The following NUFIP2 variants were observed in gnomAD, a reference collection of about 807,000 sequenced individuals.
NUFIP2 encodes FMR1-interacting protein NUFIP2.
Under a neutral mutation model 56.9 loss-of-function variants are expected in NUFIP2, and 6 were observed. The observed-to-expected ratio is 0.11, with a 90% CI of 0.06 to 0.21. The LOEUF is 0.21. NUFIP2 is among the 10% of genes least tolerant of loss of function. The probability of loss-of-function intolerance (pLI) is 1.00; values close to 1 mark genes in which losing one functional copy is unlikely to be tolerated. For missense variants in NUFIP2, 828 were observed against 826.8 expected (o/e 1.00, Z -0.02); for synonymous variants, 321 against 298.2 (o/e 1.08, Z -0.79).
At position 29,256,113 on chromosome 17, in the gene NUFIP2, A is replaced by G. The variant is rs1034732038; in HGVS notation, c.*8426T>C. The G allele has an allele frequency of 3.9e-5, 6 of 152,224 alleles. No individual in the cohort carries two copies. Among genetic ancestry groups the G allele is most frequent in the Admixed American group, 2.0e-4 (3 of 15,286 alleles). 9.4% of individuals were successfully genotyped at this position (152,224 alleles called of 1,614,324 possible). On this transcript the variant is annotated 3_prime_UTR_variant, in exon 4 of 4. Coordinates refer to ENST00000225388, the MANE Select transcript of NUFIP2 (RefSeq NM_020772.3). ...GGGAAAATTTCTGGTGACTGTTCTT[A>G]TATGTAGAAAAGACCTATATTTTTG...
chr17:29,271,458 AC>A (rs1309566886), intron 2 of NUFIP2, among the ~76,000 whole-genome samples: 3 of 150,686 alleles, frequency 2.0e-5, no homozygotes, highest in African/African-American at 4.9e-5. Context: ...AATCACTTGA[AC>A]CCCGTAGACG....
At chr17:29,284,720 A>AG (rs982106506) in intron 2 of NUFIP2, among the ~76,000 whole-genome samples, 5 of 150,460 alleles carry the variant, frequency 3.3e-5, no homozygotes, top group African/African-American at 9.7e-5. Context: ...AAAAAAAAAA[A>AG]AAAAAAAGAA....
In NUFIP2 at chr17:29,286,041, A is replaced by G; in HGVS notation, c.1953T>C (p.Asp651=). 1 of 1,614,126 alleles carries G rather than the reference A, an allele frequency of 6.2e-7. No individual in the cohort carries two copies. The highest frequency in any genetic ancestry group is 8.5e-7 in the Non-Finnish European group (1 of 1,179,966). The change falls in exon 2 of 4, where the codon GAT becomes GAC. Residue 651 remains aspartate, a synonymous_variant. Transcript: ENST00000225388. ...QRYQRGLERN[D]SWGSFDLRAA... is the part of the protein sequence containing the mutation. ...CCCTCAGGTCAAAAGAACCCCAGCT[A>G]TCATTCCTTTCTAGGCCTCTCTGGT...
intron 3 of NUFIP2, 95 bp from the exon 4 acceptor site, chr17:29,264,686 C>T: frequency 2.7e-6 from 2 of 743,782 alleles, no homozygotes; most frequent in Admixed American, 2.2e-5. Flanking sequence ...TTTAAACTGA[C>T]CAATTTTTTT....
chr17:29,293,787 TTTC>T lies in NUFIP2; in HGVS notation c.270_272del (p.Lys91del), dbSNP rs762472628. On this transcript the variant is annotated inframe_deletion, in exon 1 of 4. Transcript: ENST00000225388. ...CACCCGTCCTCCCTCCCAGACCTGT[TTTC>T]TTCTTCGGCGTTTCCTGGTGCTGCT... The T allele has an allele frequency of 5.7e-6, 9 of 1,575,022 alleles. No homozygotes were observed. Among genetic ancestry groups the T allele is most frequent in the East Asian group, 4.5e-5 (2 of 44,282 alleles).
chr17:29,272,238 T>C (rs1293065520), intron 2 of NUFIP2, among the ~76,000 whole-genome samples: 1 of 149,522 alleles, frequency 6.7e-6, no homozygotes, highest in South Asian at 2.1e-4. Flanking sequence ...ATGAAATGTG[T>C]TCTTTTTTTT....
intron 2 of NUFIP2, among the ~76,000 whole-genome samples, chr17:29,270,822 G>C (rs2069067690): frequency 6.6e-6 from 1 of 151,732 alleles, no homozygotes; most frequent in African/African-American, 2.4e-5. Context: ...AAATAAATAA[G>C]AAAAAAGAAA....
rs2068998507 is a variant in NUFIP2 at position 29,260,885 on chromosome 17, A to C, written c.*3654T>G. On this transcript the variant is annotated 3_prime_UTR_variant, in exon 4 of 4. Coordinates refer to ENST00000225388, the MANE Select transcript of NUFIP2 (RefSeq NM_020772.3). Reference sequence around the variant, plus strand: ...CTGGCCATTTATTTCAAAGAAAAAAAAATCTGTCATTAAATTCCTAGTTAT... The same window carrying C: ...CTGGCCATTTATTTCAAAGAAAAAACAATCTGTCATTAAATTCCTAGTTAT... 2 of 152,236 alleles carry C rather than the reference A, an allele frequency of 1.3e-5. No individual in the cohort carries two copies. The highest frequency in any genetic ancestry group is 6.5e-5 in the Admixed American group (1 of 15,280). The allele number at this position is 152,236 out of a possible 1,614,324, so 9.4% of individuals were successfully genotyped here.
At chr17:29,284,308 A>G (rs2069157603) in intron 2 of NUFIP2, among the ~76,000 whole-genome samples, 1 of 152,198 alleles carries the variant, frequency 6.6e-6, no homozygotes, top group Admixed American at 6.5e-5. Context: ...AAAGGATATA[A>G]ACATCATCGT....
rs186662549 is a variant in NUFIP2 at position 29,268,087 on chromosome 17, T to A, written c.2003-557A>T. Among the ~76,000 whole-genome samples, 177 of 152,102 alleles carry A rather than the reference T, an allele frequency of 1.2e-3. 2 individuals are homozygous for A. In the East Asian group the frequency reaches 0.028, roughly 24 times the overall value. ...CTAATTTTTGTATTTTTAGTAGAGA[T>A]GGGGTTTCACCATGTTGGCCAGGAT... is the stretch of plus-strand genomic sequence containing the variant. On this transcript the variant is annotated intron_variant, in intron 2 of 3. Transcript: ENST00000225388.
At chr17:29,285,073 C>CCGT in intron 2 of NUFIP2, among the ~76,000 whole-genome samples, 1 of 151,558 alleles carries the variant, frequency 6.6e-6, no homozygotes, top group Non-Finnish European at 1.5e-5. Flanking sequence ...GAAGCAGAGG[C>CCGT]GGGCGGATCA....
chr17:29,267,606 TA>T (rs1037583161), intron 2 of NUFIP2, 76 bp from the exon 3 acceptor site: 1 of 934,104 alleles, frequency 1.1e-6, no homozygotes. Context: ...ATTTTAAATC[TA>T]AAAATCCTAG....
intron 1 of NUFIP2, among the ~76,000 whole-genome samples, chr17:29,292,333 C>A (rs1274877678): frequency 6.6e-6 from 1 of 151,928 alleles, no homozygotes; most frequent in African/African-American, 2.4e-5. Context: ...TTTTAAAATC[C>A]CTCACCTCAA....
rs2069237059 is a variant in NUFIP2 at position 29,294,069 on chromosome 17, C to T, written c.-10G>A. 3.2e-6 allele frequency: 5 copies of T among 1,584,298 alleles called. No homozygotes were observed. The highest frequency in any genetic ancestry group is 1.7e-4 in the Middle Eastern group (1 of 5,768). On this transcript the variant is annotated 5_prime_UTR_variant, in exon 1 of 4. Transcript: ENST00000225388. ...CGGGCTTCTCCTCCATTGAAAGCGG[C>T]TGGGACTCCCTGGCTGAGGCTGCGG...
chr17:29,272,721 T>A (rs2069082587), intron 2 of NUFIP2, among the ~76,000 whole-genome samples: 1 of 152,228 alleles, frequency 6.6e-6, no homozygotes, highest in Non-Finnish European at 1.5e-5. Flanking sequence ...TTCCATTATA[T>A]TATTGGAAAA....
intron 1 of NUFIP2, among the ~76,000 whole-genome samples, chr17:29,292,612 C>G (rs1026154596): frequency 1.3e-5 from 2 of 150,378 alleles, no homozygotes; most frequent in African/African-American, 4.9e-5. Context: ...CGCCGCCCCC[C>G]CAGGCCTCCT....
intron 3 of NUFIP2, among the ~76,000 whole-genome samples, chr17:29,267,235 A>G (rs1418471276): frequency 6.6e-6 from 1 of 150,964 alleles, no homozygotes; most frequent in Non-Finnish European, 1.5e-5. Flanking sequence ...AATTTAAAAA[A>G]TAGAGACGGG....
At position 29,294,144 on chromosome 17, in the gene NUFIP2, T is replaced by A. The variant is rs916774084; in HGVS notation, c.-85A>T. On this transcript the variant is annotated 5_prime_UTR_variant, in exon 1 of 4. Coordinates refer to ENST00000225388, the MANE Select transcript of NUFIP2 (RefSeq NM_020772.3). ...ACTGCTTCTCAGGGCTCACTCAGTA[T>A]ATCTGAGCGCGTCTCGCCAGCGCAC... 1.0e-5 allele frequency: 15 copies of A among 1,466,938 alleles called. No individual in the cohort carries two copies. Among genetic ancestry groups the A allele is most frequent in the African/African-American group, 1.4e-5 (1 of 71,000 alleles). The allele number at this position is 1,466,938 out of a possible 1,614,324, so 90.9% of individuals were successfully genotyped here.
In NUFIP2 at chr17:29,257,996, C is replaced by T. The variant is rs1215578052; in HGVS notation, c.*6543G>A. 6.6e-6 allele frequency: 1 copy of T among 152,116 alleles called. No homozygotes were observed. Among genetic ancestry groups the T allele is most frequent in the African/African-American group, 2.4e-5 (1 of 41,452 alleles). The allele number at this position is 152,116 out of a possible 1,614,324, so 9.4% of individuals were successfully genotyped here. A position where few individuals can be genotyped will look rare whatever the true frequency, so the allele number is the denominator to read the frequency against. On this transcript the variant is annotated 3_prime_UTR_variant, in exon 4 of 4. Transcript: ENST00000225388. ...CAGTTGGGCAATAGAATGAGCATTT[C>T]ATACTGCATAAAAATTAGTGAGGTG...
Sources: gnomAD v4.1 joint callset for allele counts (sites outside exome capture counted in the v4.1 genomes callset) on GRCh38, gnomAD v4.1.1 for gene constraint, MANE v1.5 for transcripts, NCBI Gene and HGNC (gene_info 2026-07-23, HGNC 2026-07-21) for gene names.